GRIP1: variants seen among roughly 807,000 people sequenced by gnomAD.
GRIP1 encodes the protein glutamate receptor-interacting protein 1.
A neutral mutation model predicts 129.9 loss-of-function variants in GRIP1; 45 were observed. The ratio of observed to expected loss-of-function variants is 0.35; its 90% CI spans 0.27 to 0.44. The LOEUF (loss-of-function observed/expected upper bound fraction) is 0.44. Among genes scored for constraint, GRIP1 ranks in the 20% least tolerant of loss-of-function variants. The pLI, the probability that GRIP1 is intolerant of heterozygous loss-of-function variation, is 1.00. For synonymous variants in GRIP1, 530 were observed against 520.8 expected (o/e 1.02, Z -0.24); for missense variants, 1,196 against 1,396.8 (o/e 0.86, Z 2.29).
chr12:67,021,513 TTTAA>T (rs1406268280), intron 1 of GRIP1, among the ~76,000 whole-genome samples: 3 of 152,240 alleles, frequency 2.0e-5, no homozygotes, highest in Non-Finnish European at 4.4e-5. Flanking sequence ...TTATTTTTTA[TTTAA>T]TTGACACATA....
chr12:66,930,648 T>C (rs77775247), intron 1 of GRIP1, among the ~76,000 whole-genome samples: 34 of 152,286 alleles, frequency 2.2e-4, no homozygotes, highest in Admixed American at 4.6e-4. Flanking sequence ...AAATAGCATG[T>C]TATTTCCTGC....
chr12:66,730,701 CAA>C (rs3051132), intron 1 of GRIP1, among the ~76,000 whole-genome samples: 8 of 71,188 alleles, frequency 1.1e-4, no homozygotes, highest in Non-Finnish European at 1.3e-4. Context: ...GGGTCATCTA[CAA>C]AAAAAAAAAA....
intron 1 of GRIP1, among the ~76,000 whole-genome samples, chr12:67,003,606 T>C (rs1278326325): frequency 1.3e-5 from 2 of 151,928 alleles, no homozygotes; most frequent in African/African-American, 2.4e-5. Context: ...GGCAGGAGAA[T>C]TGCTTGAACC....
intron 1 of GRIP1, among the ~76,000 whole-genome samples, chr12:66,741,913 T>C (rs915733580): frequency 2.0e-5 from 3 of 152,200 alleles, no homozygotes; most frequent in African/African-American, 7.2e-5. Context: ...TGCTTTTCTT[T>C]GCCAAGCACT....
chr12:66,477,316 T>A (rs2059647981), intron 7 of GRIP1, among the ~76,000 whole-genome samples: 2 of 151,812 alleles, frequency 1.3e-5, no homozygotes, highest in African/African-American at 2.4e-5. Context: ...GAATCCAACT[T>A]ACAAGGGATA....
At chr12:66,463,928 C>A (rs2059208612) in intron 8 of GRIP1, among the ~76,000 whole-genome samples, 1 of 152,196 alleles carries the variant, frequency 6.6e-6, no homozygotes, top group Admixed American at 6.5e-5. Context: ...TGCCATTGAA[C>A]TGCACAACAC....
chr12:66,486,223 TTA>T (rs1321525643), intron 7 of GRIP1, among the ~76,000 whole-genome samples: 3 of 151,980 alleles, frequency 2.0e-5, no homozygotes, highest in Non-Finnish European at 4.4e-5. Context: ...ATGTTAGAAT[TTA>T]TGTGACAGAT....
intron 7 of GRIP1, among the ~76,000 whole-genome samples, chr12:66,486,772 A>G (rs370970717): frequency 2.6e-4 from 35 of 136,714 alleles, no homozygotes; most frequent in African/African-American, 9.4e-4. Context: ...TCAGCAGACA[A>G]TAAGAAAAAG....
chr12:66,909,963 T>A (rs554297296), intron 1 of GRIP1, among the ~76,000 whole-genome samples: 7 of 152,280 alleles, frequency 4.6e-5, no homozygotes, highest in South Asian at 2.1e-4. Flanking sequence ...AAGTTTTTTT[T>A]ATCTCATCTA....
chr12:66,857,211 C>CGG (rs1311213680), intron 1 of GRIP1, among the ~76,000 whole-genome samples: 1 of 127,454 alleles, frequency 7.8e-6, no homozygotes, highest in Admixed American at 8.5e-5. Flanking sequence ...CATCACACAC[C>CGG]GGGGCCTGTT....
intron 1 of GRIP1, among the ~76,000 whole-genome samples, chr12:66,865,572 T>G (rs1286669621): frequency 6.6e-6 from 1 of 151,856 alleles, no homozygotes; most frequent in East Asian, 1.9e-4. Flanking sequence ...CAACACATTC[T>G]GTTCATTACT....
At chr12:67,022,610 CATTTTA>C (rs1358712822) in intron 1 of GRIP1, among the ~76,000 whole-genome samples, 2 of 152,170 alleles carry the variant, frequency 1.3e-5, no homozygotes, top group Non-Finnish European at 2.9e-5. Context: ...TGAGGTCAAT[CATTTTA>C]ATTTTAACAA....
At chr12:66,841,728 A>G (rs1207691337) in intron 1 of GRIP1, among the ~76,000 whole-genome samples, 4 of 152,180 alleles carry the variant, frequency 2.6e-5, no homozygotes, top group African/African-American at 4.8e-5. Flanking sequence ...ACAAAGCAAC[A>G]CCACCAGAAA....
chr12:66,676,350 G>T (rs2034329257), intron 1 of GRIP1, among the ~76,000 whole-genome samples: 1 of 152,088 alleles, frequency 6.6e-6, no homozygotes, highest in Non-Finnish European at 1.5e-5. Context: ...AAATTAAGAA[G>T]AAATTGCAAT....
At chr12:66,440,783 A>G (rs997685567) in intron 13 of GRIP1, among the ~76,000 whole-genome samples, 1 of 152,214 alleles carries the variant, frequency 6.6e-6, no homozygotes, top group African/African-American at 2.4e-5. Flanking sequence ...TGAGTCTCTC[A>G]CTATCTGTTG....
intron 7 of GRIP1, among the ~76,000 whole-genome samples, chr12:66,470,447 T>C (rs1480848602): frequency 9.2e-6 from 1 of 108,972 alleles, no homozygotes; most frequent in Non-Finnish European, 1.8e-5. Context: ...CTTTTTTTTT[T>C]TTTTAACAAC....
intron 1 of GRIP1, among the ~76,000 whole-genome samples, chr12:66,833,680 T>C (rs1477089941): frequency 2.6e-5 from 4 of 152,180 alleles, no homozygotes; most frequent in African/African-American, 7.2e-5. Flanking sequence ...GTTGTCATCA[T>C]TAATATTGGA....
intron 7 of GRIP1, among the ~76,000 whole-genome samples, chr12:66,477,796 C>T (rs187800574): frequency 0.014 from 2,037 of 141,454 alleles, 22 homozygotes; most frequent in Non-Finnish European, 0.024. Context: ...CCCTATTTAA[C>T]AAATGGTGCT....
chr12:66,550,479 T>C (rs188305534), intron 2 of GRIP1, among the ~76,000 whole-genome samples: 6 of 152,332 alleles, frequency 3.9e-5, no homozygotes, highest in Admixed American at 3.3e-4. Context: ...TATTTAACTG[T>C]TGGTGAAGTC....
Sources: gnomAD v4.1 joint callset for allele counts (sites outside exome capture counted in the v4.1 genomes callset) on GRCh38, gnomAD v4.1.1 for gene constraint, MANE v1.5 for transcripts, NCBI Gene and HGNC (gene_info 2026-07-23, HGNC 2026-07-21) for gene names.